The following SH2D3C variants were observed in gnomAD, a reference collection of about 807,000 sequenced individuals.
SH2D3C encodes the protein SH2 domain-containing protein 3C.
SH2D3C carries 25 observed loss-of-function variants against 75.2 expected under a neutral mutation model. The ratio of observed to expected loss-of-function variants is 0.33; its 90% CI spans 0.24 to 0.46. The LOEUF is 0.46. Among genes scored for constraint, SH2D3C ranks in the 20% least tolerant of loss-of-function variants. The pLI is 1.00. For missense variants in SH2D3C, 933 were observed against 1,165.3 expected (o/e 0.80, Z 2.90); for synonymous variants, 450 against 473.7 (o/e 0.95, Z 0.65).
At chr9:127,760,951 T>C (rs1159406875) in intron 3 of SH2D3C, among the ~76,000 whole-genome samples, 1 of 152,190 alleles carries the variant, frequency 6.6e-6, no homozygotes, top group East Asian at 1.9e-4. Context: ...GCGATTCTCC[T>C]GCCTCAGCTT....
intron 7 of SH2D3C, 52 bp from the exon 8 acceptor site, chr9:127,743,016 C>T (rs539094926): frequency 6.4e-6 from 9 of 1,409,356 alleles, no homozygotes; most frequent in African/African-American, 4.3e-5. Flanking sequence ...CTGGCCCCAG[C>T]CATCTGGGAG....
chr9:127,756,813 T>A (rs1845393976), intron 3 of SH2D3C, among the ~76,000 whole-genome samples: 1 of 151,534 alleles, frequency 6.6e-6, no homozygotes, highest in Admixed American at 6.6e-5. Flanking sequence ...GCCCGCTAAT[T>A]TTTTGTATTT....
chr9:127,767,397 G>T, intron 2 of SH2D3C: 1 of 1,221,794 alleles, frequency 8.2e-7, no homozygotes, highest in Non-Finnish European at 1.1e-6. Context: ...AGGGCATGCA[G>T]CTGCTCAGAC....
intron 2 of SH2D3C, among the ~76,000 whole-genome samples, chr9:127,769,696 A>C (rs1056954050): frequency 6.6e-6 from 1 of 152,050 alleles, no homozygotes; most frequent in Non-Finnish European, 1.5e-5. Context: ...AAACAAAAGA[A>C]AAACTTTGAG....
In SH2D3C at chr9:127,774,754, T is replaced by C. The variant is rs1439323791; in HGVS notation, c.38-287A>G. Reference sequence around the variant, plus strand: ...AGCCTCATTCTCCACATCAGTAAAATAGAGATTCTAGCACCTACCCACTAG... The same window carrying C: ...AGCCTCATTCTCCACATCAGTAAAACAGAGATTCTAGCACCTACCCACTAG... On this transcript the variant is annotated intron_variant, in intron 1 of 11. Transcript: ENST00000314830. This position sits in a 1 kb window ranked among gnomAD's most constrained non-coding sequence, Gnocchi z 4.3. Among the ~76,000 whole-genome samples the C allele has an allele frequency of 6.6e-6, 1 of 152,134 alleles. No homozygotes were observed. The highest frequency in any genetic ancestry group is 1.9e-4 in the East Asian group (1 of 5,190).
At chr9:127,762,158 G>A (rs1321588660) in intron 2 of SH2D3C, 19 of 1,165,546 alleles carry the variant, frequency 1.6e-5, no homozygotes, top group Non-Finnish European at 1.7e-5. Flanking sequence ...ACCCAGTCAC[G>A]GCCACTGCCC....
chr9:127,761,577 G>A, intron 3 of SH2D3C, 34 bp downstream of exon 3: 1 of 1,551,890 alleles, frequency 6.4e-7, no homozygotes, highest in Non-Finnish European at 8.9e-7. Flanking sequence ...GACCTTCAGT[G>A]TCCTCTGACC....
Position 127,774,544 on chromosome 9 carries a change from T to G in SH2D3C, c.38-77A>C. ...TGATAATAATGAACAATTCCTGCAG[T>G]TTCACTCGGTGAGGGGCTGAAGAGG... is the stretch of plus-strand genomic sequence containing the variant. On this transcript the variant is annotated intron_variant, in intron 1 of 11. Coordinates refer to ENST00000314830, the MANE Select transcript of SH2D3C (RefSeq NM_170600.3). This position sits in a 1 kb window ranked among gnomAD's most constrained non-coding sequence, Gnocchi z 4.3. 1 of 796,080 alleles carries G rather than the reference T, an allele frequency of 1.3e-6. No individual in the cohort carries two copies. The highest frequency in any genetic ancestry group is 2.1e-6 in the Non-Finnish European group (1 of 468,262). 49.3% of individuals were successfully genotyped at this position (796,080 alleles called of 1,614,324 possible).
intron 2 of SH2D3C, chr9:127,771,382 T>A: frequency 7.5e-7 from 1 of 1,331,060 alleles, no homozygotes; most frequent in South Asian, 1.9e-5. Context: ...CCTGCGCTCC[T>A]TGCCCGGCCC....
chr9:127,770,886 T>C (rs1468258373), intron 2 of SH2D3C, among the ~76,000 whole-genome samples: 6 of 152,212 alleles, frequency 3.9e-5, no homozygotes, highest in Admixed American at 3.3e-4. Context: ...GCCAGGAAGC[T>C]GGGTTTAAAC....
chr9:127,765,258 TAC>T (rs1306476596), intron 2 of SH2D3C, among the ~76,000 whole-genome samples: 1 of 152,128 alleles, frequency 6.6e-6, no homozygotes, highest in Non-Finnish European at 1.5e-5. Context: ...CTTCCTCCAC[TAC>T]CACATTCCCT....
chr9:127,744,506 T>C, intron 7 of SH2D3C, 58 bp downstream of exon 7: 1 of 1,529,920 alleles, frequency 6.5e-7, no homozygotes, highest in Non-Finnish European at 8.8e-7. Context: ...AGCTTCTCAC[T>C]GCCCTGCCCC....
intron 9 of SH2D3C, among the ~76,000 whole-genome samples, chr9:127,740,842 G>A (rs1029385763): frequency 9.2e-5 from 14 of 152,128 alleles, no homozygotes; most frequent in Admixed American, 6.5e-4. Flanking sequence ...CACCACGCCC[G>A]GCTAATTTGT....
chr9:127,759,956 C>CT (rs1845487377), intron 3 of SH2D3C, among the ~76,000 whole-genome samples: 1 of 150,394 alleles, frequency 6.6e-6, no homozygotes. Flanking sequence ...GTGCTCCAGC[C>CT]TGGGCAACAG....
intron 2 of SH2D3C, among the ~76,000 whole-genome samples, chr9:127,764,562 C>CA (rs1315688686): frequency 2.6e-5 from 4 of 152,234 alleles, no homozygotes; most frequent in African/African-American, 9.6e-5. Context: ...ACACTGACCC[C>CA]ATGGCCCACC....
intron 8 of SH2D3C, 157 bp downstream of exon 8, chr9:127,742,692 G>A (rs1844898747): frequency 5.1e-6 from 3 of 583,232 alleles, no homozygotes; most frequent in Admixed American, 3.1e-5. Flanking sequence ...GTTTAGAGCG[G>A]GTTATCAGGG....
rs761749734 is a variant in SH2D3C at position 127,761,601 on chromosome 9, C to A, written c.555+10G>T. 2 of 1,606,914 alleles carry A rather than the reference C, an allele frequency of 1.2e-6. No individual in the cohort carries two copies. The highest frequency in any genetic ancestry group is 8.5e-7 in the Non-Finnish European group (1 of 1,174,976). On this transcript the variant is annotated intron_variant, in intron 3 of 11. Coordinates refer to ENST00000314830, the MANE Select transcript of SH2D3C (RefSeq NM_170600.3). Reference sequence around the variant, plus strand: ...TGTCCTCTGACCAACCCCTGGCCAGCCCCTCCTACCTTCACATAGTCGCTG... The same window carrying A: ...TGTCCTCTGACCAACCCCTGGCCAGACCCTCCTACCTTCACATAGTCGCTG...
At position 127,744,656 on chromosome 9, in the gene SH2D3C, G is replaced by A; in HGVS notation, c.1708C>T (p.Leu570=). 1.2e-6 allele frequency: 2 copies of A among 1,614,210 alleles called. No individual in the cohort carries two copies. Among genetic ancestry groups the A allele is most frequent in the Non-Finnish European group, 1.7e-6 (2 of 1,180,038 alleles). Residue 570 remains leucine (L), a synonymous_variant, in exon 7 of 12, where the codon CTG becomes TTG. Transcript: ENST00000314830. ...SLLIPRDNRP[L]EVGLLRKVKE... is the part of the protein sequence containing the mutation. ...ACCTTGCGCAGAAGGCCCACCTCCA[G>A]TGGCCGGTTATCCCTGGGGATCAGT...
rs778994654 is a variant in SH2D3C at position 127,774,102 on chromosome 9, G to A, written c.403C>T (p.Pro135Ser). 1.2e-6 allele frequency: 2 copies of A among 1,614,136 alleles called. No homozygotes were observed. The highest frequency in any genetic ancestry group is 2.2e-5 in the South Asian group (2 of 91,082). ...GCTGAAGGGTTGGGTTCCATTGCTGGGGTGTCCTCTAGAGGGCCAGTGGCC... is the reference window on the plus strand; with the variant it reads ...GCTGAAGGGTTGGGTTCCATTGCTGAGGTGTCCTCTAGAGGGCCAGTGGCC... The part of the protein sequence containing the change: ...VKATGPLEDT[P>S]AMEPNPSAVE... Residue 135 changes from proline (P) to serine (S), a missense_variant, in exon 2 of 12, where the codon CCA becomes TCA. Physicochemically the swap from Pro to Ser is moderately conservative, Grantham distance 74. Coordinates refer to ENST00000314830, the MANE Select transcript of SH2D3C (RefSeq NM_170600.3). The surrounding 1 kb of genome is among the most constrained non-coding windows in gnomAD (Gnocchi z 4.3).
Sources: allele counts gnomAD v4.1 joint callset (sites outside exome capture counted in the v4.1 genomes callset), GRCh38; gene constraint gnomAD v4.1.1; non-coding constraint Gnocchi (gnomAD v3.1); transcripts MANE v1.5; gene names NCBI Gene and HGNC (gene_info 2026-07-23, HGNC 2026-07-21).